The following GNA12 variants were observed in gnomAD, a reference collection of about 807,000 sequenced individuals.
GNA12 encodes guanine nucleotide-binding protein subunit alpha-12.
A neutral mutation model predicts 26.0 loss-of-function variants in GNA12; 9 were observed. That is an observed-to-expected ratio of 0.35 (90% CI 0.21 to 0.60). The LOEUF is 0.60. GNA12 is among the 20% of genes least tolerant of loss of function. The probability of loss-of-function intolerance (pLI) is 0.78; values close to 1 mark genes in which losing one functional copy is unlikely to be tolerated. For missense variants in GNA12, 405 were observed against 525.8 expected, an observed-to-expected ratio of 0.77 and a Z score of 2.25; for synonymous variants, 264 against 219.6, an observed-to-expected ratio of 1.20 and a Z score of -1.79.
At chr7:2,746,837 A>G (rs1790787841) in intron 2 of GNA12, among the ~76,000 whole-genome samples, 1 of 149,380 alleles carries the variant, frequency 6.7e-6, no homozygotes, top group Admixed American at 6.7e-5. Context: ...TAAAGGGGAT[A>G]TCATCACCAA....
chr7:2,780,051 C>CAT (rs3996399), intron 2 of GNA12, among the ~76,000 whole-genome samples: 5,947 of 60,858 alleles, frequency 0.098, 276 homozygotes, highest in Non-Finnish European at 0.11. Context: ...TTTCTGTGTA[C>CAT]ATATATATAT....
intron 2 of GNA12, among the ~76,000 whole-genome samples, chr7:2,793,938 C>T (rs114071903): frequency 0.013 from 1,871 of 140,230 alleles, 42 homozygotes; most frequent in African/African-American, 0.047. Context: ...ATATGAAAAA[C>T]AGTTCAAAAG....
intron 2 of GNA12, chr7:2,762,741 G>A (rs1438623984): frequency 1.0e-5 from 16 of 1,553,704 alleles, no homozygotes; most frequent in Non-Finnish European, 1.3e-5. Flanking sequence ...CCTCCCTCCC[G>A]CAGGAAGTGC....
intron 1 of GNA12, among the ~76,000 whole-genome samples, chr7:2,836,651 C>T (rs573390123): frequency 4.6e-5 from 7 of 152,150 alleles, no homozygotes; most frequent in South Asian, 2.1e-4. Context: ...AGGCCAGGTG[C>T]GGTGGCCCAC....
At chr7:2,764,032 A>G (rs984823067) in intron 2 of GNA12, among the ~76,000 whole-genome samples, 1 of 152,110 alleles carries the variant, frequency 6.6e-6, no homozygotes, top group African/African-American at 2.4e-5. Context: ...AAGTCTTCCT[A>G]AGGCTGCTGT....
chr7:2,742,373 T>C (rs970104391), intron 2 of GNA12, among the ~76,000 whole-genome samples: 6 of 152,196 alleles, frequency 3.9e-5, no homozygotes, highest in African/African-American at 1.2e-4. Context: ...GTTTTTGCGA[T>C]GTCTCCAGTG....
chr7:2,809,247 G>A (rs1473922810), intron 1 of GNA12, among the ~76,000 whole-genome samples: 2 of 152,066 alleles, frequency 1.3e-5, no homozygotes, highest in Non-Finnish European at 2.9e-5. Flanking sequence ...CAGAGCAGAG[G>A]CTCTACCTGT....
chr7:2,762,536 G>T, intron 2 of GNA12: 2 of 1,213,258 alleles, frequency 1.6e-6, no homozygotes, highest in Non-Finnish European at 2.2e-6. Flanking sequence ...GTTCCACCAC[G>T]CCTTCTATTC....
intron 1 of GNA12, among the ~76,000 whole-genome samples, chr7:2,834,008 G>T (rs1169916366): frequency 6.6e-6 from 1 of 152,134 alleles, no homozygotes; most frequent in Non-Finnish European, 1.5e-5. Flanking sequence ...CAGTGCATGG[G>T]CCACTAGTAG....
chr7:2,780,147 C>G (rs1792193244), intron 2 of GNA12, among the ~76,000 whole-genome samples: 1 of 145,838 alleles, frequency 6.9e-6, no homozygotes, highest in Admixed American at 6.9e-5. Flanking sequence ...ACTTACCTCA[C>G]TTTTTCACTT....
intron 2 of GNA12, among the ~76,000 whole-genome samples, chr7:2,758,292 A>T (rs918035581): frequency 6.6e-6 from 1 of 152,220 alleles, no homozygotes; most frequent in Non-Finnish European, 1.5e-5. Flanking sequence ...TAAGAAAACA[A>T]GGCTCTGCAA....
At chr7:2,789,089 G>C (rs1004435913) in intron 2 of GNA12, among the ~76,000 whole-genome samples, 1 of 150,028 alleles carries the variant, frequency 6.7e-6, no homozygotes, top group Non-Finnish European at 1.5e-5. Flanking sequence ...AAGTGCTCCC[G>C]AAGTACAGGC....
intron 1 of GNA12, among the ~76,000 whole-genome samples, chr7:2,837,601 C>A (rs1778874573): frequency 6.6e-6 from 1 of 152,132 alleles, no homozygotes; most frequent in Non-Finnish European, 1.5e-5. Context: ...AGGAGCAATG[C>A]ATGAACTCGG....
chr7:2,764,427 C>G (rs1791716767), intron 2 of GNA12, among the ~76,000 whole-genome samples: 1 of 152,076 alleles, frequency 6.6e-6, no homozygotes, highest in South Asian at 2.1e-4. Context: ...ATATTGCTGA[C>G]CAGAGGAGAG....
In GNA12 at chr7:2,825,916, A is replaced by AG. The variant is rs1793475035; in HGVS notation, c.309+17936dup. 2.0e-5 allele frequency among the ~76,000 whole-genome samples: 3 copies of AG among 152,262 alleles called. No individual in the cohort carries two copies. In the South Asian group the frequency reaches 6.2e-4, roughly 32 times the overall value. ...AAGACGCTCCACACCATATATCATT[A>AG]GGGCACTGCTAATTAAAATACTGAG... is the stretch of plus-strand genomic sequence containing the variant. On this transcript the variant is annotated intron_variant, in intron 1 of 3. Transcript: ENST00000275364.
At chr7:2,835,406 A>G (rs1216536169) in intron 1 of GNA12, among the ~76,000 whole-genome samples, 2 of 152,212 alleles carry the variant, frequency 1.3e-5, no homozygotes, top group African/African-American at 4.8e-5. Context: ...ATGTTGGCCC[A>G]CGGGGGTTGC....
At chr7:2,753,045 C>T (rs1389817646) in intron 2 of GNA12, among the ~76,000 whole-genome samples, 1 of 152,190 alleles carries the variant, frequency 6.6e-6, no homozygotes, top group East Asian at 1.9e-4. Flanking sequence ...CCCTTGGTAA[C>T]CACGAATCTG....
At chr7:2,744,318 A>G (rs1428613804) in intron 2 of GNA12, among the ~76,000 whole-genome samples, 1 of 152,180 alleles carries the variant, frequency 6.6e-6, no homozygotes, top group Non-Finnish European at 1.5e-5. Context: ...CTCTGAGACA[A>G]AACTTCCAGA....
At chr7:2,735,888 TGGAGG>T (rs1790147068) in intron 2 of GNA12, among the ~76,000 whole-genome samples, 1 of 151,950 alleles carries the variant, frequency 6.6e-6, no homozygotes, top group South Asian at 2.1e-4. Flanking sequence ...TAATGGGGGC[TGGAGG>T]GGAGGGAAGA....
Sources: allele counts gnomAD v4.1 joint callset (sites outside exome capture counted in the v4.1 genomes callset), GRCh38; gene constraint gnomAD v4.1.1; transcripts MANE v1.5; gene names NCBI Gene and HGNC (gene_info 2026-07-23, HGNC 2026-07-21).